The following TECR variants were observed in gnomAD, a reference collection of about 807,000 sequenced individuals.
TECR encodes the protein very-long-chain enoyl-CoA reductase.
A neutral mutation model predicts 50.6 loss-of-function variants in TECR; 19 were observed. That is an observed-to-expected ratio of 0.38 (90% confidence interval 0.26 to 0.55). TECR has a LOEUF of 0.55. Ranked by LOEUF, TECR falls within the 20% of genes least tolerant of loss-of-function variation. The pLI is 0.79. For synonymous variants in TECR, 168 were observed against 163.5 expected, an observed-to-expected ratio of 1.03 and a Z score of -0.21; for missense variants, 313 against 408.3, an observed-to-expected ratio of 0.77 and a Z score of 2.01.
intron 1 of TECR, among the ~76,000 whole-genome samples, chr19:14,553,911 G>T (rs1019891032): frequency 1.3e-5 from 2 of 152,140 alleles, no homozygotes; most frequent in African/African-American, 4.8e-5. Flanking sequence ...GGCCCTGGTT[G>T]CACTGACCAG....
chr19:14,562,463 T>C (rs2073932066), intron 1 of TECR, 62 bp from the exon 2 acceptor site: 1 of 1,602,428 alleles, frequency 6.2e-7, no homozygotes, highest in African/African-American at 1.3e-5. Flanking sequence ...CTCAATGGGC[T>C]CCCCAGGCCC....
chr19:14,538,527 C>G (rs930816239), intron 1 of TECR, among the ~76,000 whole-genome samples: 1 of 98,056 alleles, frequency 1.0e-5, no homozygotes, highest in African/African-American at 4.3e-5. Context: ...CCTCAAAACT[C>G]TTTTTTTTCT....
At chr19:14,559,958 C>T (rs962099269) in intron 1 of TECR, among the ~76,000 whole-genome samples, 6 of 133,276 alleles carry the variant, frequency 4.5e-5, no homozygotes, top group African/African-American at 1.9e-4. Flanking sequence ...ACTCATCCTG[C>T]CCAGGTGGCC....
intron 1 of TECR, chr19:14,545,823 G>C (rs1160199577): frequency 1.3e-5 from 2 of 153,080 alleles, no homozygotes; most frequent in East Asian, 3.8e-4. Flanking sequence ...GGAAAGGGCT[G>C]TGTGGGTTCC....
chr19:14,557,165 G>C (rs1286035367), intron 1 of TECR, among the ~76,000 whole-genome samples: 1 of 90,736 alleles, frequency 1.1e-5, no homozygotes, highest in South Asian at 3.2e-4. Flanking sequence ...TTTGAGACAG[G>C]GTCTTGCTGT....
intron 1 of TECR, among the ~76,000 whole-genome samples, chr19:14,538,438 C>A (rs1195053566): frequency 6.6e-6 from 1 of 152,098 alleles, no homozygotes; most frequent in African/African-American, 2.4e-5. Context: ...CGGAGAGGGA[C>A]CCACGTTAGG....
In TECR at chr19:14,529,716, G is replaced by A; in HGVS notation, c.15+5G>A. 6.2e-7 allele frequency: 1 copy of A among 1,614,152 alleles called. No homozygotes were observed. Among genetic ancestry groups the A allele is most frequent in the Non-Finnish European group, 8.5e-7 (1 of 1,180,058 alleles). ...GGAGCCATGAAGCATTACGAGGTAA[G>A]AAGCGAGAAACAGGGGCCGTGTGGC... On this transcript the variant is annotated splice_donor_5th_base_variant and intron_variant, in intron 1 of 12. Transcript: ENST00000215567.
chr19:14,528,606 C>A (rs2072492899), upstream of TECR, among the ~76,000 whole-genome samples: 5 of 152,174 alleles, frequency 3.3e-5, no homozygotes, highest in South Asian at 1.0e-3. Context: ...GGACGTCAGG[C>A]AGAGACCAAT....
intron 1 of TECR, among the ~76,000 whole-genome samples, chr19:14,546,977 G>A (rs2073330052): frequency 6.6e-6 from 1 of 152,192 alleles, no homozygotes; most frequent in African/African-American, 2.4e-5. Flanking sequence ...TTACAGGCAT[G>A]AGCCACTGCA....
At chr19:14,537,099 G>A (rs1389087888) in intron 1 of TECR, among the ~76,000 whole-genome samples, 1 of 146,282 alleles carries the variant, frequency 6.8e-6, no homozygotes, top group Non-Finnish European at 1.5e-5. Context: ...AGGAGGAGGA[G>A]GGGGCAGGGC....
chr19:14,538,525 CTCTTTTTTT>C (rs1482790547), intron 1 of TECR, among the ~76,000 whole-genome samples: 1 of 132,460 alleles, frequency 7.5e-6, no homozygotes, highest in Non-Finnish European at 1.6e-5. Context: ...GGCCTCAAAA[CTCTTTTTTT>C]TCTTTTTTTT....
chr19:14,563,056 C>A lies in TECR; in HGVS notation c.67-150C>A. ...ACTGGCAGGGCCCTCGGTGGTCCTT[C>A]CCTGACTGCAGGCAGAGGCCTGGAC... On this transcript the variant is annotated intron_variant, in intron 2 of 12. Coordinates refer to ENST00000215567, the MANE Select transcript of TECR (RefSeq NM_138501.6). The surrounding 1 kb of genome is among the most constrained non-coding windows in gnomAD (Gnocchi z 5.3). The A allele has an allele frequency of 1.0e-6, 1 of 967,290 alleles. No individual in the cohort carries two copies. Among genetic ancestry groups the A allele is most frequent in the Non-Finnish European group, 1.6e-6 (1 of 641,120 alleles). 59.9% of individuals were successfully genotyped at this position (967,290 alleles called of 1,614,324 possible). A position where few individuals can be genotyped will look rare whatever the true frequency, so the allele number is the denominator to read the frequency against.
chr19:14,539,516 C>T (rs1012307488), intron 1 of TECR, among the ~76,000 whole-genome samples: 22 of 152,196 alleles, frequency 1.4e-4, no homozygotes, highest in African/African-American at 4.6e-4. Flanking sequence ...TGTTCCCCAC[C>T]GAGCCACAGG....
chr19:14,561,745 C>T (rs879561201), intron 1 of TECR, among the ~76,000 whole-genome samples: 7 of 152,200 alleles, frequency 4.6e-5, no homozygotes, highest in African/African-American at 1.4e-4. Flanking sequence ...GAGAGAGGCT[C>T]TCTGCACCCA....
chr19:14,530,075 C>T, intron 1 of TECR: 1 of 383,382 alleles, frequency 2.6e-6, no homozygotes, highest in Non-Finnish European at 4.9e-6. Flanking sequence ...TTGCACAAAT[C>T]TTGCGCCACG....
At chr19:14,560,110 C>T (rs1443746962) in intron 1 of TECR, among the ~76,000 whole-genome samples, 1 of 152,182 alleles carries the variant, frequency 6.6e-6, no homozygotes, top group Admixed American at 6.5e-5. Context: ...GAGCGTGGCC[C>T]CTCTCTCGCT....
intron 1 of TECR, among the ~76,000 whole-genome samples, chr19:14,555,877 C>T (rs914611735): frequency 6.6e-6 from 1 of 152,162 alleles, no homozygotes; most frequent in African/African-American, 2.4e-5. Flanking sequence ...TGAGCCACTG[C>T]GCCCAGCCCA....
intron 1 of TECR, among the ~76,000 whole-genome samples, chr19:14,537,672 C>T (rs967075785): frequency 2.0e-5 from 3 of 151,294 alleles, no homozygotes; most frequent in African/African-American, 7.3e-5. Flanking sequence ...ATACCTGGGA[C>T]ATTTCCTGCG....
At chr19:14,545,445 C>T (rs553889761) in intron 1 of TECR, among the ~76,000 whole-genome samples, 5 of 152,326 alleles carry the variant, frequency 3.3e-5, no homozygotes, top group East Asian at 1.9e-4. Context: ...CCTGGTACAT[C>T]GTGACCCCGT....
Sources: gnomAD v4.1 joint callset for allele counts (sites outside exome capture counted in the v4.1 genomes callset) on GRCh38, gnomAD v4.1.1 for gene constraint, Gnocchi (gnomAD v3.1) non-coding constraint, MANE v1.5 for transcripts, NCBI Gene and HGNC (gene_info 2026-07-23, HGNC 2026-07-21) for gene names.